The following TRPS1 variants were observed in gnomAD, a reference collection of about 807,000 sequenced individuals.
The protein encoded by TRPS1 is transcriptional repressor GATA binding 1, also known as zinc finger transcription factor Trps1.
In TRPS1, 6 loss-of-function variants were observed where a neutral mutation model predicts 101.2. The ratio of observed to expected loss-of-function variants is 0.06; its 90% confidence interval spans 0.03 to 0.12. The LOEUF (loss-of-function observed/expected upper bound fraction) is 0.12, where lower values mean the gene tolerates loss of function less well. Ranked by LOEUF, TRPS1 falls within the 10% of genes least tolerant of loss-of-function variation. The probability of loss-of-function intolerance (pLI) is 1.00; values close to 1 mark genes in which losing one functional copy is unlikely to be tolerated. For synonymous variants in TRPS1, 578 were observed against 589.8 expected, an observed-to-expected ratio of 0.98 and a Z score of 0.29; for missense variants, 1,363 against 1,567.0, an observed-to-expected ratio of 0.87 and a Z score of 2.20.
At chr8:115,462,673 T>C (rs1263627017) in intron 5 of TRPS1, among the ~76,000 whole-genome samples, 1 of 139,016 alleles carries the variant, frequency 7.2e-6, no homozygotes, top group Non-Finnish European at 1.5e-5. Context: ...TCTCAAGAAA[T>C]CAAAGGCATG....
chr8:115,432,122 T>C (rs1479286853), intron 5 of TRPS1, among the ~76,000 whole-genome samples: 1 of 151,764 alleles, frequency 6.6e-6, no homozygotes, highest in Non-Finnish European at 1.5e-5. Context: ...GTCATACTTC[T>C]CTCCCAAGAT....
At position 115,535,144 on chromosome 8, in the gene TRPS1, A is replaced by ATATGGCATATG. The variant is rs1563582527; in HGVS notation, c.2700+51856_2700+51857insCATATGCCATA. On this transcript the variant is annotated intron_variant, in intron 5 of 6. Transcript: ENST00000395715. ...TATGTATAGCATATATATAGCATAT[A>ATATGGCATATG]TATAGCATATGTATAGCATATGTAT... 3.2e-4 allele frequency among the ~76,000 whole-genome samples: 9 copies of ATATGGCATATG among 27,694 alleles called. 1 individual carries two copies. The highest frequency in any genetic ancestry group is 1.6e-3 in the African/African-American group (8 of 4,978). 18.2% of individuals were successfully genotyped at this position (27,694 alleles called of 152,430 possible).
chr8:115,513,718 ACACCCTGGGCAAGAAAACTATTT>A (rs1815640450), intron 5 of TRPS1, among the ~76,000 whole-genome samples: 2 of 151,678 alleles, frequency 1.3e-5, no homozygotes, highest in South Asian at 4.1e-4. Context: ...AGGTTTGTGA[ACACCCTGGGCAAGAAAACTATTT>A]CTAGTTTTCT....
chr8:115,533,438 T>TTTTTTTTTTG (rs1554583378), intron 5 of TRPS1, among the ~76,000 whole-genome samples: 21 of 118,454 alleles, frequency 1.8e-4, no homozygotes, highest in African/African-American at 7.8e-4. Context: ...TGTAATCTGT[T>TTTTTTTTTTG]TTTTTTTTTT....
chr8:115,449,244 G>A (rs1813809285), intron 5 of TRPS1, among the ~76,000 whole-genome samples: 1 of 152,046 alleles, frequency 6.6e-6, no homozygotes, highest in Non-Finnish European at 1.5e-5. Flanking sequence ...ATTTGTATAT[G>A]CAATCACAGA....
chr8:115,440,537 T>C (rs965091849), intron 5 of TRPS1, among the ~76,000 whole-genome samples: 1 of 152,242 alleles, frequency 6.6e-6, no homozygotes, highest in Non-Finnish European at 1.5e-5. Context: ...CATGTCCCAG[T>C]GAAAGGACAG....
chr8:115,613,378 G>T (rs1472358151), intron 3 of TRPS1, among the ~76,000 whole-genome samples: 1 of 152,182 alleles, frequency 6.6e-6, no homozygotes, highest in Non-Finnish European at 1.5e-5. Context: ...TAATCTCAAA[G>T]AAATCACCCA....
chr8:115,476,340 G>T (rs1455222992), intron 5 of TRPS1, among the ~76,000 whole-genome samples: 1 of 152,240 alleles, frequency 6.6e-6, no homozygotes, highest in South Asian at 2.1e-4. Flanking sequence ...CTTTCTATTT[G>T]TTTAAGTGCA....
At chr8:115,611,573 T>C (rs1343088700) in intron 3 of TRPS1, among the ~76,000 whole-genome samples, 2 of 152,142 alleles carry the variant, frequency 1.3e-5, no homozygotes, top group Non-Finnish European at 2.9e-5. Context: ...TAACCCAGAC[T>C]GAGGAGTCAG....
intron 1 of TRPS1, among the ~76,000 whole-genome samples, chr8:115,646,638 A>C (rs1390687874): frequency 1.3e-5 from 2 of 152,186 alleles, no homozygotes; most frequent in Non-Finnish European, 2.9e-5. Flanking sequence ...GTGGACCTAA[A>C]GTCTTTATTA....
At chr8:115,462,720 A>G (rs1308754459) in intron 5 of TRPS1, among the ~76,000 whole-genome samples, 1 of 150,704 alleles carries the variant, frequency 6.6e-6, no homozygotes, top group Non-Finnish European at 1.5e-5. Context: ...GAAGTCTTCT[A>G]ATCACTAGGG....
intron 1 of TRPS1, among the ~76,000 whole-genome samples, chr8:115,656,120 G>A (rs1172015311): frequency 6.6e-6 from 1 of 152,002 alleles, no homozygotes; most frequent in Non-Finnish European, 1.5e-5. Flanking sequence ...TTTGCAATTT[G>A]GTATCTTAAA....
intron 1 of TRPS1, among the ~76,000 whole-genome samples, chr8:115,647,837 C>T (rs1031500074): frequency 6.6e-6 from 1 of 151,804 alleles, no homozygotes; most frequent in Non-Finnish European, 1.5e-5. Flanking sequence ...TATTCCTGGA[C>T]TCATTAATAA....
chr8:115,507,596 C>T (rs181667575), intron 5 of TRPS1, among the ~76,000 whole-genome samples: 9 of 152,128 alleles, frequency 5.9e-5, no homozygotes, highest in East Asian at 1.9e-4. Flanking sequence ...CAAAGTCTCT[C>T]GTCACCCATA....
At chr8:115,415,122 TA>T (rs1297563195) in intron 6 of TRPS1, 38 bp from the exon 7 acceptor site, 3 of 1,563,248 alleles carry the variant, frequency 1.9e-6, no homozygotes, top group African/African-American at 1.4e-5. Flanking sequence ...AGGAAAACAT[TA>T]AAAAATACAT....
In TRPS1 at chr8:115,409,261, G is replaced by GAAAAAAAAAAAAA. The variant is rs755990611; in HGVS notation, c.*4749_*4761dup. The GAAAAAAAAAAAAA allele has an allele frequency of 4.9e-5, 5 of 102,248 alleles. 1 individual carries two copies. The highest frequency in any genetic ancestry group is 6.7e-4 in the East Asian group (2 of 2,966). 6.3% of individuals were successfully genotyped at this position (102,248 alleles called of 1,614,324 possible). A position where few individuals can be genotyped will look rare whatever the true frequency, so the allele number is the denominator to read the frequency against. The stretch of plus-strand genomic sequence containing the variant: ...TGATATGCTGCAGTTTATATGTTGG[G>GAAAAAAAAAAAAA]AAAAAAAAAAAAAAAAAAAACAGGG... On this transcript the variant is annotated 3_prime_UTR_variant, in exon 7 of 7. Coordinates refer to ENST00000395715, the MANE Select transcript of TRPS1 (RefSeq NM_014112.5).
At chr8:115,581,427 A>C (rs1179588524) in intron 5 of TRPS1, among the ~76,000 whole-genome samples, 1 of 152,132 alleles carries the variant, frequency 6.6e-6, no homozygotes, top group East Asian at 1.9e-4. Flanking sequence ...AAGAAATTAC[A>C]AATGTTGAGG....
intron 3 of TRPS1, among the ~76,000 whole-genome samples, chr8:115,615,895 C>T (rs910184835): frequency 4.6e-5 from 7 of 152,190 alleles, no homozygotes; most frequent in African/African-American, 1.7e-4. Flanking sequence ...GAAAAGCTAA[C>T]CAATCATGCT....
chr8:115,526,669 A>G (rs927871376), intron 5 of TRPS1, among the ~76,000 whole-genome samples: 2 of 152,194 alleles, frequency 1.3e-5, no homozygotes, highest in African/African-American at 2.4e-5. Flanking sequence ...AATGGCAATA[A>G]GCTATGTGCT....
Sources: gnomAD v4.1 joint callset for allele counts (sites outside exome capture counted in the v4.1 genomes callset) on GRCh38, gnomAD v4.1.1 for gene constraint, MANE v1.5 for transcripts, NCBI Gene and HGNC (gene_info 2026-07-23, HGNC 2026-07-21) for gene names.